GALNT10: variants seen among roughly 807,000 people sequenced by gnomAD.
GALNT10 encodes polypeptide N-acetylgalactosaminyltransferase 10.
A neutral mutation model predicts 75.0 loss-of-function variants in GALNT10; 41 were observed. The ratio of observed to expected loss-of-function variants is 0.55; its 90% CI spans 0.43 to 0.71. The LOEUF (loss-of-function observed/expected upper bound fraction) is 0.71, where lower values mean the gene tolerates loss of function less well. Among genes scored for constraint, GALNT10 ranks in the 30% least tolerant of loss-of-function variants. The probability of loss-of-function intolerance (pLI) is 0.00; values close to 1 mark genes in which losing one functional copy is unlikely to be tolerated. For synonymous variants in GALNT10, 302 were observed against 313.0 expected (o/e 0.96, Z 0.37); for missense variants, 727 against 818.5 (o/e 0.89, Z 1.36).
intron 3 of GALNT10, among the ~76,000 whole-genome samples, chr5:154,311,750 A>G (rs532592844): frequency 6.6e-6 from 1 of 152,104 alleles, no homozygotes; most frequent in African/African-American, 2.4e-5. Flanking sequence ...AGCTGGGACT[A>G]TGGGCACACG....
intron 1 of GALNT10, among the ~76,000 whole-genome samples, chr5:154,269,554 A>G (rs17552495): frequency 0.18 from 27,422 of 152,162 alleles, 2,654 homozygotes; most frequent in African/African-American, 0.22. Context: ...GCCCTGACAT[A>G]TTTCAGAAAT....
intron 2 of GALNT10, among the ~76,000 whole-genome samples, chr5:154,295,261 A>T (rs1223689156): frequency 6.6e-6 from 1 of 152,214 alleles, no homozygotes; most frequent in African/African-American, 2.4e-5. Flanking sequence ...TTATGAGATT[A>T]CAACTAAAAC....
intron 1 of GALNT10, among the ~76,000 whole-genome samples, chr5:154,195,550 C>T (rs1161913479): frequency 6.6e-6 from 1 of 152,176 alleles, no homozygotes; most frequent in Non-Finnish European, 1.5e-5. Context: ...GATGTGTTTG[C>T]TGAATGATTG....
At position 154,380,467 on chromosome 5, in the gene GALNT10, C is replaced by G; in HGVS notation, c.774C>G (p.Arg258=). The stretch of plus-strand genomic sequence containing the variant: ...CTTCAGACCGCATTGCTCGGAACCG[C>G]AAGACCATTGTGTGCCCGATGATTG... ...PPLLDRIARN[R]KTIVCPMIDV... is the part of the protein sequence containing the mutation. Residue 258 remains arginine, a synonymous_variant, in exon 6 of 12, where the codon CGC becomes CGG. Coordinates refer to ENST00000297107, the MANE Select transcript of GALNT10 (RefSeq NM_198321.4). 1.2e-6 allele frequency: 2 copies of G among 1,614,030 alleles called. No individual in the cohort carries two copies. Among genetic ancestry groups the G allele is most frequent in the Non-Finnish European group, 1.7e-6 (2 of 1,179,940 alleles).
At chr5:154,395,902 CTGCCGTGGAGCCCAGCCAGCTGTGT>C (rs1166524591) in intron 7 of GALNT10, among the ~76,000 whole-genome samples, 3 of 152,218 alleles carry the variant, frequency 2.0e-5, no homozygotes, top group African/African-American at 7.2e-5. Context: ...GAGTCAGAGG[CTGCCGTGGAGCCCAGCCAGCTGTGT>C]TTCAACATGC....
chr5:154,373,524 T>C (rs1338637831), intron 4 of GALNT10, among the ~76,000 whole-genome samples: 1 of 152,158 alleles, frequency 6.6e-6, no homozygotes, highest in African/African-American at 2.4e-5. Flanking sequence ...CCTTCTATAG[T>C]AGCCAGTTTG....
intron 7 of GALNT10, 44 bp downstream of exon 7, chr5:154,386,474 GAGTGCCTGTCCC>G (rs1252964379): frequency 8.2e-7 from 1 of 1,212,408 alleles, no homozygotes; most frequent in East Asian, 2.3e-5. Context: ...ACAGCCTCCT[GAGTGCCTGTCCC>G]AGTAGGTGTC....
intron 4 of GALNT10, among the ~76,000 whole-genome samples, chr5:154,365,175 A>T (rs944866693): frequency 6.6e-6 from 1 of 152,170 alleles, no homozygotes; most frequent in Non-Finnish European, 1.5e-5. Flanking sequence ...AGTGCTTTCT[A>T]TTTCTGGGAG....
chr5:154,326,472 T>G (rs545980368), intron 3 of GALNT10, among the ~76,000 whole-genome samples: 1 of 152,304 alleles, frequency 6.6e-6, no homozygotes, highest in Admixed American at 6.5e-5. Flanking sequence ...TTATTCATAA[T>G]AGCCAAAAGG....
intron 4 of GALNT10, among the ~76,000 whole-genome samples, chr5:154,339,506 C>T (rs546827618): frequency 6.8e-6 from 1 of 146,412 alleles, no homozygotes; most frequent in South Asian, 2.2e-4. Flanking sequence ...TTTTGTGCAT[C>T]TTAAAAAAAA....
At chr5:154,305,287 C>A (rs1310193589) in intron 3 of GALNT10, among the ~76,000 whole-genome samples, 3 of 147,840 alleles carry the variant, frequency 2.0e-5, no homozygotes, top group African/African-American at 5.1e-5. Flanking sequence ...CAGAGCAAGA[C>A]CTCATCTGTA....
intron 3 of GALNT10, among the ~76,000 whole-genome samples, chr5:154,315,027 G>T (rs527254603): frequency 6.6e-6 from 1 of 152,166 alleles, no homozygotes; most frequent in Admixed American, 6.5e-5. Context: ...TGTCCTAGCA[G>T]TCTCAGTGTC....
rs374931748 is a variant in GALNT10 at position 154,237,080 on chromosome 5, C to T, written c.159+46055C>T. Among the ~76,000 whole-genome samples, 4 of 152,306 alleles carry T rather than the reference C, an allele frequency of 2.6e-5. No homozygotes were observed. In the East Asian group the frequency reaches 5.8e-4, roughly 22 times the overall value. ...GATTTGGCAGGAATTCCTCCATGGT[C>T]CTAAACTGGTTCTTTGTGTCCCAGG... is the stretch of plus-strand genomic sequence containing the variant. On this transcript the variant is annotated intron_variant, in intron 1 of 11. Coordinates refer to ENST00000297107, the MANE Select transcript of GALNT10 (RefSeq NM_198321.4).
chr5:154,399,425 G>A (rs1006945304), intron 7 of GALNT10, among the ~76,000 whole-genome samples: 18 of 152,158 alleles, frequency 1.2e-4, no homozygotes, highest in African/African-American at 4.1e-4. Context: ...GCATGACGGC[G>A]ATGCTCTCTC....
Position 154,244,407 on chromosome 5 carries a change from A to T in GALNT10, c.160-50409A>T, listed in dbSNP as rs555364154. On this transcript the variant is annotated intron_variant, in intron 1 of 11. Transcript: ENST00000297107. ...CATAGTGAGATCCTGTCTCTAAAAA[A>T]TTTTTTTTTAATTAAAAAAAAAAGA... is the stretch of plus-strand genomic sequence containing the variant. Among the ~76,000 whole-genome samples, 335 of 151,714 alleles carry T rather than the reference A, an allele frequency of 2.2e-3. 2 individuals are homozygous for T. Among genetic ancestry groups the T allele is most frequent in the South Asian group, 0.012 (58 of 4,784 alleles).
Position 154,298,372 on chromosome 5 carries a change from A to G in GALNT10, c.401+293A>G, listed in dbSNP as rs1035035506. ...CAGTGTAGACGACAAGTTGTCATGCAGTTTTTAACTTTCATTCTCTTCACT... is the reference window on the plus strand; with the variant it reads ...CAGTGTAGACGACAAGTTGTCATGCGGTTTTTAACTTTCATTCTCTTCACT... On this transcript the variant is annotated intron_variant, in intron 3 of 11. Transcript: ENST00000297107. This position sits in a 1 kb window ranked among gnomAD's most constrained non-coding sequence, Gnocchi z 4.1. Among the ~76,000 whole-genome samples, 2 of 152,220 alleles carry G rather than the reference A, an allele frequency of 1.3e-5. No individual in the cohort carries two copies. Among genetic ancestry groups the G allele is most frequent in the Non-Finnish European group, 2.9e-5 (2 of 68,032 alleles).
At chr5:154,224,729 A>C (rs1753034041) in intron 1 of GALNT10, among the ~76,000 whole-genome samples, 1 of 151,924 alleles carries the variant, frequency 6.6e-6, no homozygotes, top group African/African-American at 2.4e-5. Flanking sequence ...TAGATACTGA[A>C]GATACAGTGG....
intron 1 of GALNT10, among the ~76,000 whole-genome samples, chr5:154,286,622 A>G (rs1754116222): frequency 6.6e-6 from 1 of 152,158 alleles, no homozygotes; most frequent in Non-Finnish European, 1.5e-5. Flanking sequence ...CACCAAACAA[A>G]GGAATTGGAG....
intron 1 of GALNT10, among the ~76,000 whole-genome samples, chr5:154,250,749 G>T (rs1753504939): frequency 6.6e-6 from 1 of 152,186 alleles, no homozygotes; most frequent in South Asian, 2.1e-4. Context: ...CTGCTTAAAA[G>T]ATTACAAACA....
Sources: allele counts gnomAD v4.1 joint callset (sites outside exome capture counted in the v4.1 genomes callset), GRCh38; gene constraint gnomAD v4.1.1; non-coding constraint Gnocchi (gnomAD v3.1); transcripts MANE v1.5; gene names NCBI Gene and HGNC (gene_info 2026-07-23, HGNC 2026-07-21).